SUMF1: variants seen among roughly 807,000 people sequenced by gnomAD.
SUMF1 encodes formylglycine-generating enzyme.
In SUMF1, 48 loss-of-function variants were observed where a neutral mutation model predicts 47.6. That is an observed-to-expected ratio of 1.01 (90% confidence interval 0.80 to 1.28). The LOEUF (loss-of-function observed/expected upper bound fraction) is 1.28, where lower values mean the gene tolerates loss of function less well. Among genes scored for constraint, SUMF1 ranks in the 50% most tolerant of loss-of-function variants. The pLI, the probability that SUMF1 is intolerant of heterozygous loss-of-function variation, is 0.00. For missense variants in SUMF1, 571 were observed against 485.4 expected (o/e 1.18, Z -1.66); for synonymous variants, 230 against 192.1 (o/e 1.20, Z -1.63).
intron 8 of SUMF1, among the ~76,000 whole-genome samples, chr3:4,320,620 T>TA (rs1176347915): frequency 6.6e-6 from 1 of 152,132 alleles, no homozygotes; most frequent in Non-Finnish European, 1.5e-5. Flanking sequence ...AAGATTGTCT[T>TA]ATGTAAATAA....
chr3:4,441,868 C>T (rs1702598109), intron 3 of SUMF1, among the ~76,000 whole-genome samples: 1 of 152,210 alleles, frequency 6.6e-6, no homozygotes, highest in African/African-American at 2.4e-5. Flanking sequence ...TGAATCTCGC[C>T]TCTCTACGTA....
intron 7 of SUMF1, among the ~76,000 whole-genome samples, chr3:4,398,615 T>C (rs1156377367): frequency 6.6e-6 from 1 of 152,086 alleles, no homozygotes; most frequent in Non-Finnish European, 1.5e-5. Context: ...ATACAAAAAC[T>C]AGCTTGCCAA....
At chr3:4,457,038 G>GTATA (rs1313561547) in intron 1 of SUMF1, among the ~76,000 whole-genome samples, 1 of 109,256 alleles carries the variant, frequency 9.2e-6, no homozygotes, top group African/African-American at 3.1e-5. Context: ...ACGTGTGTGT[G>GTATA]TATATATATA....
chr3:4,372,378 A>T (rs1273795276), intron 8 of SUMF1, among the ~76,000 whole-genome samples: 5 of 152,140 alleles, frequency 3.3e-5, no homozygotes, highest in African/African-American at 7.2e-5. Context: ...AAAAAAGAAA[A>T]TTTTTTAAAA....
Position 4,344,178 on chromosome 3 carries a change from A to G in SUMF1, c.1014+32152T>C, listed in dbSNP as rs532411043. ...GCAACCAAGGTATCCAGGTTCTCTC[A>G]TCAAAATTGACTAGAAGGCTGTCGT... On this transcript the variant is annotated intron_variant and NMD_transcript_variant, in intron 8 of 12. Coordinates refer to the SUMF1 transcript ENST00000448413. Among the ~76,000 whole-genome samples the G allele has an allele frequency of 3.3e-5, 5 of 152,334 alleles. No individual in the cohort carries two copies. In the East Asian group the frequency reaches 9.6e-4, roughly 29 times the overall value.
At chr3:4,053,039 T>G (rs1484425252) in intron 9 of SUMF1, among the ~76,000 whole-genome samples, 3 of 152,192 alleles carry the variant, frequency 2.0e-5, no homozygotes, top group Non-Finnish European at 2.9e-5. Flanking sequence ...ATCTCAGCTT[T>G]TACATACCTT....
At chr3:4,313,542 T>C (rs2125099848) in intron 8 of SUMF1, 1 of 1,614,036 alleles carries the variant, frequency 6.2e-7, no homozygotes, top group Non-Finnish European at 8.5e-7. Context: ...GAAGATATCT[T>C]AATCTAACAG....
At chr3:4,331,082 G>A in intron 8 of SUMF1, among the ~76,000 whole-genome samples, 1 of 152,036 alleles carries the variant, frequency 6.6e-6, no homozygotes, top group East Asian at 1.9e-4. Context: ...CTTTCACAAG[G>A]TCAGTCTTCT....
intron 8 of SUMF1, among the ~76,000 whole-genome samples, chr3:4,252,113 T>A (rs959696946): frequency 6.6e-6 from 1 of 152,150 alleles, no homozygotes; most frequent in Admixed American, 6.6e-5. Flanking sequence ...CCCACTGACC[T>A]AAGTAAATAA....
At chr3:4,128,455 C>T (rs1693709314) in intron 8 of SUMF1, among the ~76,000 whole-genome samples, 1 of 152,136 alleles carries the variant, frequency 6.6e-6, no homozygotes, top group African/African-American at 2.4e-5. Flanking sequence ...TCCATGCTGC[C>T]ATCAGCCTTT....
intron 8 of SUMF1, among the ~76,000 whole-genome samples, chr3:4,100,707 G>A (rs1211837390): frequency 5.3e-5 from 8 of 151,918 alleles, no homozygotes; most frequent in African/African-American, 7.3e-5. Flanking sequence ...TTAATAGAGT[G>A]AAGAGACAAC....
At chr3:4,465,205 G>A (rs1304242157) in intron 1 of SUMF1, among the ~76,000 whole-genome samples, 2 of 152,180 alleles carry the variant, frequency 1.3e-5, no homozygotes, top group South Asian at 2.1e-4. Flanking sequence ...GGCTTGGCGC[G>A]GTGGCTCACG....
At chr3:4,135,648 T>C (rs567155258) in intron 8 of SUMF1, among the ~76,000 whole-genome samples, 13 of 152,142 alleles carry the variant, frequency 8.5e-5, no homozygotes, top group African/African-American at 2.4e-4. Flanking sequence ...AAGAAGGAAA[T>C]AAAGGGCATT....
chr3:4,388,139 G>T (rs532567338), intron 7 of SUMF1, among the ~76,000 whole-genome samples: 1 of 152,082 alleles, frequency 6.6e-6, no homozygotes, highest in Admixed American at 6.5e-5. Context: ...CTGTCTAATT[G>T]TACTATCAAT....
chr3:4,195,901 C>A (rs539033411), intron 8 of SUMF1, among the ~76,000 whole-genome samples: 1 of 152,108 alleles, frequency 6.6e-6, no homozygotes, highest in Admixed American at 6.6e-5. Context: ...TCAAAACATG[C>A]TTGTCATCAA....
At chr3:4,243,009 G>A (rs1012530204) in intron 8 of SUMF1, among the ~76,000 whole-genome samples, 1 of 152,128 alleles carries the variant, frequency 6.6e-6, no homozygotes, top group Non-Finnish European at 1.5e-5. Flanking sequence ...TTGGGAGGGT[G>A]TATGTATCCA....
chr3:4,452,122 T>C lies in SUMF1; in HGVS notation c.444+754A>G, dbSNP rs552914009. Among the ~76,000 whole-genome samples, 9 of 151,794 alleles carry C rather than the reference T, an allele frequency of 5.9e-5. No individual in the cohort carries two copies. The South Asian group carries it at 1.7e-3, about 28-fold the overall frequency. On this transcript the variant is annotated intron_variant, in intron 2 of 8. Coordinates refer to ENST00000272902, the MANE Select transcript of SUMF1 (RefSeq NM_182760.4). Reference sequence around the variant, plus strand: ...TTAATAATAATTTACAAAAAGACATTTGGGGTCTTAAAAAAAAAAAAGAAT... The same window carrying C: ...TTAATAATAATTTACAAAAAGACATCTGGGGTCTTAAAAAAAAAAAAGAAT...
At chr3:4,154,987 G>A (rs780671857) in intron 8 of SUMF1, among the ~76,000 whole-genome samples, 12 of 151,548 alleles carry the variant, frequency 7.9e-5, no homozygotes, top group Non-Finnish European at 1.5e-4. Context: ...AGAGAAAGGA[G>A]ATGTACCTTT....
intron 9 of SUMF1, among the ~76,000 whole-genome samples, chr3:4,063,072 A>T (rs1695300822): frequency 6.6e-6 from 1 of 152,134 alleles, no homozygotes. Flanking sequence ...GGAAACAAGC[A>T]TTTATTGACA....
Sources: allele counts gnomAD v4.1 joint callset (sites outside exome capture counted in the v4.1 genomes callset), GRCh38; gene constraint gnomAD v4.1.1; transcripts MANE v1.5; gene names NCBI Gene and HGNC (gene_info 2026-07-23, HGNC 2026-07-21).